The following ING2 variants were observed in gnomAD, a reference collection of about 807,000 sequenced individuals.
ING2 encodes inhibitor of growth protein 2.
In ING2, 7 loss-of-function variants were observed where a neutral mutation model predicts 30.6. The ratio of observed to expected loss-of-function variants is 0.23; its 90% CI spans 0.13 to 0.43. ING2 has a LOEUF of 0.43. Among genes scored for constraint, ING2 ranks in the 20% least tolerant of loss-of-function variants. ING2 has a pLI of 1.00. For synonymous variants in ING2, 136 were observed against 121.7 expected, an observed-to-expected ratio of 1.12 and a Z score of -0.78; for missense variants, 239 against 334.9, an observed-to-expected ratio of 0.71 and a Z score of 2.24.
rs774813457 is a variant in ING2, at chr4:183,505,273, C to T, written c.78C>T (p.Cys26=). The T allele has an allele frequency of 8.2e-6, 13 of 1,587,536 alleles. No individual in the cohort carries two copies. Among genetic ancestry groups the T allele is most frequent in the South Asian group, 6.9e-5 (6 of 87,398 alleles). ...GGGAGCGGAGCCGGCTGCTCACCTG[C>T]TACGTGCAGGACTACCTTGAGTGCG... The part of the protein sequence containing the change: ...LTGERSRLLT[C]YVQDYLECVE... Residue 26 remains cysteine, a synonymous_variant, in exon 1 of 2, where the codon TGC becomes TGT. Coordinates refer to ENST00000302327, the MANE Select transcript of ING2 (RefSeq NM_001564.4).
intron 1 of ING2, chr4:183,506,171 C>G: frequency 1.6e-6 from 2 of 1,286,976 alleles, no homozygotes; most frequent in South Asian, 1.2e-5. Flanking sequence ...GGGAGGGAGT[C>G]GGGGCTGTGC....
At position 183,511,045 on chromosome 4, in the gene ING2, AATAATT is replaced by A; in HGVS notation, c.*94_*99del. 5 of 955,752 alleles carry A rather than the reference AATAATT, an allele frequency of 5.2e-6. No individual in the cohort carries two copies. The highest frequency in any genetic ancestry group is 7.6e-6 in the Non-Finnish European group (5 of 654,372). The allele number at this position is 955,752 out of a possible 1,614,324, so 59.2% of individuals were successfully genotyped here. ...TTAGGGTAAATGCATAAGACTATGC[AATAATT>A]TTTAATCATTAGTATTAATGGTGTA... is the stretch of plus-strand genomic sequence containing the variant. On this transcript the variant is annotated 3_prime_UTR_variant, in exon 2 of 2. Transcript: ENST00000302327.
At chr4:183,505,396 G>C in intron 1 of ING2, 29 bp downstream of exon 1, 1 of 1,510,646 alleles carries the variant, frequency 6.6e-7, no homozygotes, top group Non-Finnish European at 8.9e-7. Context: ...CCGGCCTCGG[G>C]AGCCGGTGGC....
chr4:183,511,822 A>G lies in ING2; in HGVS notation c.*870A>G, dbSNP rs965399911. Among the ~76,000 whole-genome samples, 1 of 152,222 alleles carries G rather than the reference A, an allele frequency of 6.6e-6. No homozygotes were observed. Among genetic ancestry groups the G allele is most frequent in the African/African-American group, 2.4e-5 (1 of 41,464 alleles). On this transcript the variant is annotated 3_prime_UTR_variant, in exon 2 of 2. Coordinates refer to ENST00000302327, the MANE Select transcript of ING2 (RefSeq NM_001564.4). ...CGTAGCCACAGGCCTATCAGTGGAA[A>G]GGGGCATATAGTAGTCTTTAAATAT...
At chr4:183,508,352 C>CT (rs1429966222) in intron 1 of ING2, among the ~76,000 whole-genome samples, 15 of 148,556 alleles carry the variant, frequency 1.0e-4, no homozygotes, top group South Asian at 2.1e-4. Flanking sequence ...AGGTTTGCCT[C>CT]TTTTTTTTTT....
intron 1 of ING2, chr4:183,506,130 C>A: frequency 8.1e-7 from 1 of 1,230,846 alleles, no homozygotes. Context: ...AATGGCTGGT[C>A]GCGAGAGGGG....
intron 1 of ING2, among the ~76,000 whole-genome samples, chr4:183,505,855 C>CTGAG (rs962655596): frequency 6.6e-6 from 1 of 151,980 alleles, no homozygotes; most frequent in African/African-American, 2.4e-5. Flanking sequence ...CGGAGGCGGA[C>CTGAG]TGAGGGGGCC....
chr4:183,506,126 T>C, intron 1 of ING2: 12 of 1,227,912 alleles, frequency 9.8e-6, no homozygotes, highest in Non-Finnish European at 1.3e-5. Context: ...GGAAAATGGC[T>C]GGTCGCGAGA....
intron 1 of ING2, among the ~76,000 whole-genome samples, chr4:183,506,625 C>T (rs1039720583): frequency 6.6e-6 from 1 of 152,216 alleles, no homozygotes; most frequent in Non-Finnish European, 1.5e-5. Context: ...AAGATAATTT[C>T]CTGGACCCAT....
Position 183,506,301 on chromosome 4 carries a change from C to T in ING2, c.172+934C>T, listed in dbSNP as rs1176177782. ...GACGGCGATCAGCAGCTCGGACCGTCGCGGATCCTGGCTCCGCGTAGGTTC... is the reference window on the plus strand; with the variant it reads ...GACGGCGATCAGCAGCTCGGACCGTTGCGGATCCTGGCTCCGCGTAGGTTC... On this transcript the variant is annotated intron_variant, in intron 1 of 1. Transcript: ENST00000302327. The T allele has an allele frequency of 2.3e-6, 3 of 1,304,116 alleles. No individual in the cohort carries two copies. The African/African-American group carries it at 4.6e-5, about 20-fold the overall frequency. The allele number at this position is 1,304,116 out of a possible 1,614,324, so 80.8% of individuals were successfully genotyped here. A position where few individuals can be genotyped will look rare whatever the true frequency, so the allele number is the denominator to read the frequency against.
At chr4:183,509,194 A>G (rs533146108) in intron 1 of ING2, among the ~76,000 whole-genome samples, 7 of 152,210 alleles carry the variant, frequency 4.6e-5, no homozygotes, top group Admixed American at 6.5e-5. Context: ...AAGTGAAGCT[A>G]TATCTCCGGA....
Position 183,505,331 on chromosome 4 carries a change from G to A in ING2, c.136G>A (p.Val46Met), listed in dbSNP as rs758061494. The change falls in exon 1 of 2, where the codon GTG becomes ATG. Residue 46 changes from valine (V) to methionine (M), a missense_variant. By Grantham distance (21) the Val-to-Met change is conservative (BLOSUM62 1). Transcript: ENST00000302327. ...ESLPHDMQRN[V>M]SVLRELDNKY... ...GCTGCCCCACGACATGCAGAGGAAC[G>A]TGTCTGTGCTGCGAGAGCTGGACAA... 45 of 1,548,088 alleles carry A rather than the reference G, an allele frequency of 2.9e-5. No homozygotes were observed. Among genetic ancestry groups the A allele is most frequent in the Non-Finnish European group, 3.5e-6 (4 of 1,146,938 alleles).
At chr4:183,507,195 G>T (rs1242813562) in intron 1 of ING2, among the ~76,000 whole-genome samples, 2 of 152,144 alleles carry the variant, frequency 1.3e-5, no homozygotes, top group Non-Finnish European at 2.9e-5. Flanking sequence ...CTGCCTCCCG[G>T]GTTCAAGCGA....
intron 1 of ING2, 38 bp downstream of exon 1, chr4:183,505,405 G>T (rs1440540182): frequency 1.3e-6 from 2 of 1,508,194 alleles, no homozygotes; most frequent in Admixed American, 4.1e-5. Context: ...GGAGCCGGTG[G>T]CGGGGAGCCT....
At chr4:183,510,248 G>A in intron 1 of ING2, 34 bp from the exon 2 acceptor site, 3 of 1,419,038 alleles carry the variant, frequency 2.1e-6, no homozygotes, top group Non-Finnish European at 2.9e-6. Flanking sequence ...GCTAACACAT[G>A]ATAACGTTCT....
intron 1 of ING2, among the ~76,000 whole-genome samples, chr4:183,507,370 G>A (rs1734676736): frequency 6.6e-6 from 1 of 152,158 alleles, no homozygotes; most frequent in Non-Finnish European, 1.5e-5. Flanking sequence ...GAAAGTGCTG[G>A]GATTACAGGC....
In ING2 at chr4:183,510,864, AATGGT is replaced by A. The variant is rs1734806444; in HGVS notation, c.758_762del (p.Trp253LeufsTer8). 1 of 1,614,086 alleles carries A rather than the reference AATGGT, an allele frequency of 6.2e-7. No homozygotes were observed. The highest frequency in any genetic ancestry group is 2.2e-5 in the East Asian group (1 of 44,896). On this transcript the variant is annotated frameshift_variant, in exon 2 of 2. Transcript: ENST00000302327. LOFTEE classifies it high-confidence loss of function. The stretch of plus-strand genomic sequence containing the variant: ...TCACTTACCTATAAACCAAAGGGGA[AATGGT>A]ATTGCCCAAAGTGCAGGGGAGATAA...
At chr4:183,508,221 T>G (rs1734724105) in intron 1 of ING2, among the ~76,000 whole-genome samples, 1 of 152,164 alleles carries the variant, frequency 6.6e-6, no homozygotes, top group Admixed American at 6.5e-5. Flanking sequence ...ATTTCTTGTC[T>G]TCTTTCACTA....
chr4:183,512,359 G>A lies in ING2; in HGVS notation c.*1407G>A, dbSNP rs866370820. ...AAAATGAGTTGGCTTAAATATCTCCGAGATTCCTTGGAAATTTCTACTATT... is the reference window on the plus strand; with the variant it reads ...AAAATGAGTTGGCTTAAATATCTCCAAGATTCCTTGGAAATTTCTACTATT... On this transcript the variant is annotated 3_prime_UTR_variant, in exon 2 of 2. Coordinates refer to ENST00000302327, the MANE Select transcript of ING2 (RefSeq NM_001564.4). 5.3e-5 allele frequency among the ~76,000 whole-genome samples: 8 copies of A among 152,158 alleles called. No individual in the cohort carries two copies. The highest frequency in any genetic ancestry group is 3.9e-4 in the East Asian group (2 of 5,180).
Sources: allele counts gnomAD v4.1 joint callset (sites outside exome capture counted in the v4.1 genomes callset), GRCh38; gene constraint gnomAD v4.1.1; transcripts MANE v1.5; gene names NCBI Gene and HGNC (gene_info 2026-07-23, HGNC 2026-07-21).